Variants in RLF observed in about 807,000 individuals in gnomAD.
RLF encodes RLF zinc finger, also known as zinc finger protein Rlf.
In RLF, 7 loss-of-function variants were observed where a neutral mutation model predicts 162.9. The ratio of observed to expected loss-of-function variants is 0.04; its 90% CI spans 0.02 to 0.08. The LOEUF (loss-of-function observed/expected upper bound fraction) is 0.08. RLF is among the 10% of genes least tolerant of loss of function. RLF has a pLI of 1.00. For missense variants in RLF, 1,664 were observed against 2,244.7 expected (o/e 0.74, Z 5.23); for synonymous variants, 782 against 791.5 (o/e 0.99, Z 0.20).
chr1:40,222,843 A>G (rs576100029), intron 6 of RLF, 133 bp downstream of exon 6: 26 of 664,482 alleles, frequency 3.9e-5, no homozygotes, highest in African/African-American at 1.1e-4. Context: ...TCCACACACA[A>G]TCATTTAATT....
intron 5 of RLF, among the ~76,000 whole-genome samples, chr1:40,216,757 A>G (rs1052425243): frequency 2.0e-5 from 3 of 152,174 alleles, no homozygotes; most frequent in Admixed American, 6.5e-5. Context: ...ATCCTAAGAA[A>G]GAAAACCACA....
intron 7 of RLF, among the ~76,000 whole-genome samples, chr1:40,233,146 G>A (rs143404210): frequency 8.6e-5 from 13 of 150,914 alleles, no homozygotes; most frequent in African/African-American, 1.9e-4. Context: ...TCCTATGTGC[G>A]CTTGCAACAG....
chr1:40,195,590 A>T (rs766573532), intron 3 of RLF, 42 bp from the exon 4 acceptor site: 3 of 1,550,170 alleles, frequency 1.9e-6, no homozygotes. Context: ...ACTAATTTTT[A>T]TATTGTTAAC....
chr1:40,216,403 G>T (rs1338058225), intron 5 of RLF, among the ~76,000 whole-genome samples: 1 of 151,530 alleles, frequency 6.6e-6, no homozygotes, highest in Non-Finnish European at 1.5e-5. Context: ...CAGGAGAATC[G>T]CTTGAACCCG....
In RLF at chr1:40,235,754, T is replaced by C. The variant is rs184617577; in HGVS notation, c.1090-38T>C. 2.1e-6 allele frequency: 3 copies of C among 1,419,870 alleles called. No homozygotes were observed. In the Admixed American group the frequency reaches 7.8e-5, roughly 37 times the overall value. The allele number at this position is 1,419,870 out of a possible 1,614,324, so 88.0% of individuals were successfully genotyped here. Reference sequence around the variant, plus strand: ...GTGAAAGTTATATAATCTTTCTGTATGCAAAAAAATAATTTTTTTATCCTC... The same window carrying C: ...GTGAAAGTTATATAATCTTTCTGTACGCAAAAAAATAATTTTTTTATCCTC... On this transcript the variant is annotated intron_variant, in intron 7 of 7. Transcript: ENST00000372771.
At chr1:40,175,784 C>CAA (rs767336748) in intron 1 of RLF, among the ~76,000 whole-genome samples, 55 of 91,778 alleles carry the variant, frequency 6.0e-4, no homozygotes, top group South Asian at 3.0e-3. Context: ...GACTCCATCT[C>CAA]AAAAAAAAAA....
chr1:40,198,421 C>T (rs1642667689), intron 4 of RLF, among the ~76,000 whole-genome samples: 1 of 150,526 alleles, frequency 6.6e-6, no homozygotes, highest in Non-Finnish European at 1.5e-5. Flanking sequence ...TCTCCTGCCT[C>T]AGCCTCCCAA....
At chr1:40,165,096 T>C (rs1255191707) in intron 1 of RLF, among the ~76,000 whole-genome samples, 1 of 150,764 alleles carries the variant, frequency 6.6e-6, no homozygotes. Flanking sequence ...TTGTAAGGAC[T>C]TAATAAGAAA....
intron 2 of RLF, 63 bp downstream of exon 2, chr1:40,189,272 T>C: frequency 1.4e-6 from 2 of 1,396,734 alleles, no homozygotes; most frequent in Non-Finnish European, 2.0e-6. Context: ...GTTTGCCTGG[T>C]TTCTCTTTAC....
chr1:40,188,151 GA>G (rs1642506858), intron 1 of RLF, among the ~76,000 whole-genome samples: 1 of 152,070 alleles, frequency 6.6e-6, no homozygotes, highest in South Asian at 2.1e-4. Context: ...TCAGAAGGAA[GA>G]TATATATGAA....
intron 5 of RLF, among the ~76,000 whole-genome samples, chr1:40,209,455 G>A (rs1642839561): frequency 6.6e-6 from 1 of 152,192 alleles, no homozygotes; most frequent in Non-Finnish European, 1.5e-5. Flanking sequence ...AATTCTTTAA[G>A]CCTGGGGTGC....
At position 40,239,074 on chromosome 1, in the gene RLF, C is replaced by T. The variant is rs368064385; in HGVS notation, c.4372C>T (p.Arg1458Cys). ...TGGCTGTGGCCAGATTTTCACCCAT[C>T]GCAGTAATTACTCACAACATGTATA... ...LNGCGQIFTH[R>C]SNYSQHVYYR... The change falls in exon 8 of 8, where the codon CGC becomes TGC. Residue 1458 changes from arginine to cysteine, a missense_variant. Arg to Cys is a radical substitution (Grantham distance 180, BLOSUM62 -3). This residue lies in a region of RLF where 200 missense variants were observed against 207.3 expected (regional missense o/e 0.96). Transcript: ENST00000372771. 5.0e-6 allele frequency: 8 copies of T among 1,614,132 alleles called. No individual in the cohort carries two copies. Among genetic ancestry groups the T allele is most frequent in the African/African-American group, 1.3e-5 (1 of 75,046 alleles).
chr1:40,193,419 C>T (rs964086533), intron 3 of RLF, among the ~76,000 whole-genome samples: 2 of 152,090 alleles, frequency 1.3e-5, no homozygotes, highest in African/African-American at 2.4e-5. Flanking sequence ...AAAAGAAACT[C>T]AAACTGTGGT....
chr1:40,232,468 T>C (rs1389827696), intron 7 of RLF, among the ~76,000 whole-genome samples: 2 of 152,160 alleles, frequency 1.3e-5, no homozygotes, highest in Non-Finnish European at 2.9e-5. Flanking sequence ...GGCTAAAATG[T>C]AGTTTGCCAG....
chr1:40,238,155 G>A lies in RLF; in HGVS notation c.3453G>A (p.Lys1151=). 1 of 1,613,896 alleles carries A rather than the reference G, an allele frequency of 6.2e-7. No individual in the cohort carries two copies. Among genetic ancestry groups the A allele is most frequent in the Non-Finnish European group, 8.5e-7 (1 of 1,179,926 alleles). ...CTCTGTTAATGCATTATCTTAAAAA[G>A]CATAATTATTCAAAAGAAAAAGTCC... ...REALLMHYLK[K]HNYSKEKVLQ... Residue 1151 remains lysine (K), a synonymous_variant, in exon 8 of 8, where the codon AAG becomes AAA. Coordinates refer to ENST00000372771, the MANE Select transcript of RLF (RefSeq NM_012421.4). This position sits in a 1 kb window ranked among gnomAD's most constrained non-coding sequence, Gnocchi z 5.2.
intron 5 of RLF, among the ~76,000 whole-genome samples, chr1:40,222,114 G>C (rs1176773138): frequency 2.0e-5 from 3 of 151,998 alleles, no homozygotes; most frequent in Non-Finnish European, 4.4e-5. Context: ...TGTAGCATTT[G>C]TATTTAAAGC....
At chr1:40,202,336 C>A in intron 4 of RLF, 76 bp from the exon 5 acceptor site, 1 of 918,940 alleles carries the variant, frequency 1.1e-6, no homozygotes. Context: ...ATAAAAAGAT[C>A]TCAAACTTTC....
intron 1 of RLF, among the ~76,000 whole-genome samples, chr1:40,163,114 T>C (rs2124520881): frequency 6.6e-6 from 1 of 150,460 alleles, no homozygotes; most frequent in African/African-American, 2.5e-5. Context: ...GACAATTAAC[T>C]AGAAAAATAA....
intron 1 of RLF, among the ~76,000 whole-genome samples, chr1:40,177,138 A>G (rs1457499261): frequency 6.6e-6 from 1 of 151,404 alleles, no homozygotes; most frequent in East Asian, 1.9e-4. Flanking sequence ...GGCGCCCACC[A>G]CCACACCCGG....
Sources: gnomAD v4.1 joint callset for allele counts (sites outside exome capture counted in the v4.1 genomes callset) on GRCh38, gnomAD v4.1.1 for gene constraint, gnomAD v4.1.1 regional missense constraint, Gnocchi (gnomAD v3.1) non-coding constraint, MANE v1.5 for transcripts, NCBI Gene and HGNC (gene_info 2026-07-23, HGNC 2026-07-21) for gene names.